The following SUSD4 variants were observed in gnomAD, a reference collection of about 807,000 sequenced individuals.
SUSD4 encodes sushi domain-containing protein 4.
In SUSD4, 41 loss-of-function variants were observed where a neutral mutation model predicts 50.5. The ratio of observed to expected loss-of-function variants is 0.81; its 90% confidence interval spans 0.63 to 1.05. SUSD4 has a LOEUF of 1.05. Ranked by LOEUF, SUSD4 falls within the 50% of genes least tolerant of loss-of-function variation. The pLI, the probability that SUSD4 is intolerant of heterozygous loss-of-function variation, is 0.00. For synonymous variants in SUSD4, 257 were observed against 257.3 expected, an observed-to-expected ratio of 1.00 and a Z score of 0.01; for missense variants, 580 against 634.7, an observed-to-expected ratio of 0.91 and a Z score of 0.93.
chr1:223,342,125 C>A (rs1365121253), intron 2 of SUSD4, among the ~76,000 whole-genome samples: 1 of 152,080 alleles, frequency 6.6e-6, no homozygotes, highest in Non-Finnish European at 1.5e-5. Flanking sequence ...GAAACCAGGG[C>A]TAGGAGGACA....
At chr1:223,255,872 T>C (rs575650867) in intron 5 of SUSD4, among the ~76,000 whole-genome samples, 8 of 152,284 alleles carry the variant, frequency 5.3e-5, no homozygotes, top group African/African-American at 1.4e-4. Context: ...GAGAGGCTAA[T>C]TGAGACCACG....
chr1:223,246,923 A>G (rs898594625), intron 5 of SUSD4, among the ~76,000 whole-genome samples: 1 of 152,228 alleles, frequency 6.6e-6, no homozygotes, highest in African/African-American at 2.4e-5. Flanking sequence ...GGGCAGGGGA[A>G]GCAGAAGAAT....
intron 5 of SUSD4, among the ~76,000 whole-genome samples, chr1:223,262,436 G>T (rs1305551257): frequency 2.0e-5 from 3 of 152,164 alleles, no homozygotes; most frequent in Non-Finnish European, 4.4e-5. Flanking sequence ...TATGAAAAGG[G>T]TCGATTCCTT....
At chr1:223,234,334 C>A (rs1198370277) in intron 5 of SUSD4, among the ~76,000 whole-genome samples, 1 of 152,196 alleles carries the variant, frequency 6.6e-6, no homozygotes, top group East Asian at 1.9e-4. Flanking sequence ...AGATTTAATT[C>A]CAACACAAAC....
intron 3 of SUSD4, among the ~76,000 whole-genome samples, 178 bp from the exon 4 acceptor site, chr1:223,268,853 C>T (rs536456016): frequency 1.3e-5 from 2 of 152,070 alleles, no homozygotes; most frequent in Non-Finnish European, 2.9e-5. Context: ...GGTGGCTTCA[C>T]GGGAGTAACG....
intron 2 of SUSD4, among the ~76,000 whole-genome samples, chr1:223,317,243 G>T (rs1666252922): frequency 6.6e-6 from 1 of 152,166 alleles, no homozygotes; most frequent in Admixed American, 6.5e-5. Context: ...CATCCTCACT[G>T]CTACACTCCG....
At chr1:223,335,881 G>A (rs112806775) in intron 2 of SUSD4, among the ~76,000 whole-genome samples, 83 of 152,226 alleles carry the variant, frequency 5.5e-4, no homozygotes, top group African/African-American at 2.0e-3. Flanking sequence ...TGACAAATAG[G>A]AAATGGTGTT....
chr1:223,291,981 C>G (rs1664520120), intron 3 of SUSD4, among the ~76,000 whole-genome samples: 2 of 152,200 alleles, frequency 1.3e-5, no homozygotes, highest in South Asian at 4.1e-4. Context: ...TGTCACAGTT[C>G]TTTCTTTTCC....
At chr1:223,346,367 A>G (rs1308997230) in intron 2 of SUSD4, among the ~76,000 whole-genome samples, 3 of 152,220 alleles carry the variant, frequency 2.0e-5, no homozygotes, top group African/African-American at 4.8e-5. Flanking sequence ...TTTCCTATTT[A>G]TGATTTCCTT....
At chr1:223,334,715 T>G (rs1283712791) in intron 2 of SUSD4, among the ~76,000 whole-genome samples, 1 of 152,094 alleles carries the variant, frequency 6.6e-6, no homozygotes, top group African/African-American at 2.4e-5. Flanking sequence ...TTTCCGTAGG[T>G]TTTTGGAGAA....
At chr1:223,249,179 A>T (rs1391412131) in intron 5 of SUSD4, among the ~76,000 whole-genome samples, 1 of 152,210 alleles carries the variant, frequency 6.6e-6, no homozygotes, top group Admixed American at 6.5e-5. Context: ...ATCCCCCTAC[A>T]GTCAGGACTC....
chr1:223,334,595 G>A (rs953976927), intron 2 of SUSD4, among the ~76,000 whole-genome samples: 4 of 152,154 alleles, frequency 2.6e-5, no homozygotes, highest in African/African-American at 9.7e-5. Context: ...GGTCACATAT[G>A]AAAGACTAGA....
At chr1:223,338,000 T>G (rs1379357741) in intron 2 of SUSD4, among the ~76,000 whole-genome samples, 1 of 152,222 alleles carries the variant, frequency 6.6e-6, no homozygotes, top group Non-Finnish European at 1.5e-5. Context: ...TATTTTTTAT[T>G]TCTTTAAAAA....
rs1659880691 is a variant in SUSD4, at chr1:223,231,273, T to C, written c.725-1885A>G. Reference sequence around the variant, plus strand: ...AGTGGGGAGCCAGGTGACAAGGGGGTCTGGGAAACAGGGTCTGCGGTGGAC... The same window carrying C: ...AGTGGGGAGCCAGGTGACAAGGGGGCCTGGGAAACAGGGTCTGCGGTGGAC... On this transcript the variant is annotated intron_variant, in intron 5 of 8. Transcript: ENST00000366878. This position sits in a 1 kb window ranked among gnomAD's most constrained non-coding sequence, Gnocchi z 4.2. Among the ~76,000 whole-genome samples the C allele has an allele frequency of 1.3e-5, 2 of 151,552 alleles. No individual in the cohort carries two copies. Among genetic ancestry groups the C allele is most frequent in the African/African-American group, 4.9e-5 (2 of 41,198 alleles).
At chr1:223,338,978 G>C (rs933775395) in intron 2 of SUSD4, among the ~76,000 whole-genome samples, 1 of 152,280 alleles carries the variant, frequency 6.6e-6, no homozygotes, top group Non-Finnish European at 1.5e-5. Context: ...ATGAGGTCAC[G>C]TGGGAAGACT....
In SUSD4 at chr1:223,231,954, T is replaced by C. The variant is rs1403864493; in HGVS notation, c.725-2566A>G. Among the ~76,000 whole-genome samples the C allele has an allele frequency of 6.6e-6, 1 of 152,220 alleles. No individual in the cohort carries two copies. The highest frequency in any genetic ancestry group is 1.5e-5 in the Non-Finnish European group (1 of 68,042). ...GACAGATGAATGGATAAAGAAAATA[T>C]AGGCAATATACACCACAGAATATTA... On this transcript the variant is annotated intron_variant, in intron 5 of 8. Transcript: ENST00000366878. This position sits in a 1 kb window ranked among gnomAD's most constrained non-coding sequence, Gnocchi z 4.2.
intron 3 of SUSD4, among the ~76,000 whole-genome samples, chr1:223,268,934 G>A (rs1662717447): frequency 6.6e-6 from 1 of 152,192 alleles, no homozygotes; most frequent in South Asian, 2.1e-4. Flanking sequence ...TTTCCTGCCT[G>A]TGACACTTCA....
At chr1:223,359,646 T>C (rs1668860043) in intron 2 of SUSD4, among the ~76,000 whole-genome samples, 1 of 152,260 alleles carries the variant, frequency 6.6e-6, no homozygotes, top group Non-Finnish European at 1.5e-5. Flanking sequence ...GTGTGTCAGA[T>C]GTTGTGCTGG....
chr1:223,299,362 G>A (rs1665037627), intron 2 of SUSD4, among the ~76,000 whole-genome samples: 3 of 152,184 alleles, frequency 2.0e-5, no homozygotes, highest in Admixed American at 6.5e-5. Context: ...TTCTGCTCAC[G>A]CATGAGAACT....
Sources: allele counts gnomAD v4.1 joint callset (sites outside exome capture counted in the v4.1 genomes callset), GRCh38; gene constraint gnomAD v4.1.1; non-coding constraint Gnocchi (gnomAD v3.1); transcripts MANE v1.5; gene names NCBI Gene and HGNC (gene_info 2026-07-23, HGNC 2026-07-21).